The following FKBP6 variants were observed in gnomAD, a reference collection of about 807,000 sequenced individuals.
FKBP6 encodes the protein FKBP prolyl isomerase family member 6 (inactive).
A neutral mutation model predicts 41.7 loss-of-function variants in FKBP6; 29 were observed. That is an observed-to-expected ratio of 0.70 (90% CI 0.52 to 0.95). The LOEUF is 0.95. FKBP6 is among the 40% of genes least tolerant of loss of function. The pLI is 0.00. For missense variants in FKBP6, 338 were observed against 408.7 expected, an observed-to-expected ratio of 0.83 and a Z score of 1.49; for synonymous variants, 130 against 165.1, an observed-to-expected ratio of 0.79 and a Z score of 1.63.
At chr7:73,351,750 C>A (rs370304393) in intron 8 of FKBP6, among the ~76,000 whole-genome samples, 6 of 152,144 alleles carry the variant, frequency 3.9e-5, no homozygotes, top group African/African-American at 1.4e-4. Context: ...ATTCTGTGTT[C>A]TTTGCGGATG....
chr7:73,342,054 C>T (rs573179187), intron 7 of FKBP6, among the ~76,000 whole-genome samples: 1 of 152,082 alleles, frequency 6.6e-6, no homozygotes, highest in South Asian at 2.1e-4. Flanking sequence ...CAGAAAGGCC[C>T]CTCGTAGGTC....
At chr7:73,340,889 CTCA>C in intron 6 of FKBP6, 57 bp downstream of exon 6, 3 of 1,078,812 alleles carry the variant, frequency 2.8e-6, no homozygotes, top group Non-Finnish European at 4.3e-6. Context: ...AGTAGCAGTG[CTCA>C]ACTCAGCTAC....
At chr7:73,328,755 G>C (rs1222262578) in intron 2 of FKBP6, 63 bp downstream of exon 2, 48 of 1,611,316 alleles carry the variant, frequency 3.0e-5, no homozygotes, top group African/African-American at 6.7e-5. Flanking sequence ...GAAGAGAGAG[G>C]CCTCATTTTC....
chr7:73,341,521 C>T (rs4999954), intron 7 of FKBP6, 139 bp downstream of exon 7: 104,525 of 708,082 alleles, frequency 0.15, 8,552 homozygotes, highest in East Asian at 0.29. Flanking sequence ...AGCTGGGTTT[C>T]TGAAGTGCTC....
chr7:73,341,531 C>A (rs1474544500), intron 7 of FKBP6, 149 bp downstream of exon 7: 2 of 676,422 alleles, frequency 3.0e-6, no homozygotes. Flanking sequence ...CTGAAGTGCT[C>A]GGCCGTGCGC....
chr7:73,332,847 C>G (rs1804890181), intron 5 of FKBP6, among the ~76,000 whole-genome samples: 1 of 152,216 alleles, frequency 6.6e-6, no homozygotes, highest in African/African-American at 2.4e-5. Flanking sequence ...CATTTCATGT[C>G]TCTGACAGTG....
chr7:73,337,545 C>T (rs1212985660), intron 5 of FKBP6, among the ~76,000 whole-genome samples: 2 of 151,988 alleles, frequency 1.3e-5, no homozygotes, highest in African/African-American at 4.8e-5. Context: ...AACTCCTGAC[C>T]TCAGGTGATC....
rs782555749 is a variant in FKBP6 at position 73,328,623 on chromosome 7, C to T, written c.106C>T (p.Arg36Trp). 3.6e-5 allele frequency: 58 copies of T among 1,610,056 alleles called. No individual in the cohort carries two copies. Among genetic ancestry groups the T allele is most frequent in the Non-Finnish European group, 4.6e-5 (54 of 1,178,688 alleles). ...SQRMLDISGD[R>W]GVLKDVIREG... Reference sequence around the variant, plus strand: ...GAGGATGCTGGACATCTCGGGGGACCGGGGCGTGCTGAAGGACGTCATCCG... The same window carrying T: ...GAGGATGCTGGACATCTCGGGGGACTGGGGCGTGCTGAAGGACGTCATCCG... The change falls in exon 2 of 9, where the codon CGG becomes TGG. Residue 36 changes from arginine (R) to tryptophan (W), a missense_variant. Transcript: ENST00000252037.
chr7:73,331,661 A>G lies in FKBP6; in HGVS notation c.473A>G (p.Gln158Arg), dbSNP rs1554547696. The change falls in exon 5 of 9, where the codon CAG (glutamine) becomes CGG (arginine). Residue 158 changes from glutamine (Q) to arginine (R), a missense_variant. Gln to Arg is a conservative substitution (Grantham distance 43). Around this residue, in one of 2 missense-constraint regions of FKBP6, gnomAD observed 239 missense variants for 250.1 expected, o/e 0.96. Transcript: ENST00000252037. The part of the protein sequence containing the change: ...SDKFCALSAE[Q>R]QDQFPLQKVL... ...ATTCCTGTCTCTGGTCCTCAGGAGC[A>G]GCAAGACCAATTTCCACTTCAGAAG... 3 of 1,613,870 alleles carry G rather than the reference A, an allele frequency of 1.9e-6. No homozygotes were observed. The highest frequency in any genetic ancestry group is 3.3e-5 in the Admixed American group (2 of 60,004).
intron 8 of FKBP6, among the ~76,000 whole-genome samples, chr7:73,345,046 C>T (rs999644456): frequency 6.6e-6 from 1 of 152,088 alleles, no homozygotes; most frequent in South Asian, 2.1e-4. Flanking sequence ...CATTTTCTAG[C>T]TTCTGGAGCC....
chr7:73,330,795 A>T (rs782634222), intron 4 of FKBP6, among the ~76,000 whole-genome samples: 1 of 152,174 alleles, frequency 6.6e-6, no homozygotes, highest in Non-Finnish European at 1.5e-5. Flanking sequence ...GTTTAAACTG[A>T]GACAGTCCCA....
At chr7:73,350,539 C>T (rs1360615168) in intron 8 of FKBP6, among the ~76,000 whole-genome samples, 1 of 152,132 alleles carries the variant, frequency 6.6e-6, no homozygotes, top group Admixed American at 6.5e-5. Flanking sequence ...AAATTCCCCC[C>T]TCCTTTGCTT....
chr7:73,329,699 A>C (rs1804773688), intron 3 of FKBP6: 1 of 583,852 alleles, frequency 1.7e-6, no homozygotes, highest in East Asian at 2.9e-5. Context: ...TTCATTTATT[A>C]AGTAAAACTC....
intron 8 of FKBP6, among the ~76,000 whole-genome samples, chr7:73,346,661 C>A (rs1286901092): frequency 6.6e-6 from 1 of 152,172 alleles, no homozygotes; most frequent in Non-Finnish European, 1.5e-5. Flanking sequence ...TTTAAAGTGG[C>A]AGGACCATCA....
At chr7:73,340,523 TC>T in intron 5 of FKBP6, 114 bp from the exon 6 acceptor site, 1 of 791,124 alleles carries the variant, frequency 1.3e-6, no homozygotes, top group Non-Finnish European at 2.2e-6. Context: ...TGATCTTGTG[TC>T]TTGCAACCTG....
intron 5 of FKBP6, among the ~76,000 whole-genome samples, chr7:73,337,610 G>A (rs541414454): frequency 4.7e-4 from 72 of 152,138 alleles, no homozygotes; most frequent in Non-Finnish European, 8.4e-4. Flanking sequence ...CATCGTGTCC[G>A]GCCTTCCAGT....
rs377226318 is a variant in FKBP6 at position 73,329,401 on chromosome 7, G to A, written c.217G>A (p.Asp73Asn). Reference protein sequence around the residue: ...GYLEHMDRPFDSNYFRKTPRL... With the variant: ...GYLEHMDRPFNSNYFRKTPRL... ...CCTGGAACACATGGACAGACCCTTC[G>A]ATTCTAATTACTTTAGGAAAACTCC... The change falls in exon 3 of 9, where the codon GAT (aspartate) becomes AAT (asparagine). Residue 73 changes from aspartate to asparagine, a missense_variant. This residue lies in a region of FKBP6 where 99 missense variants were observed against 158.6 expected (regional missense o/e 0.62). Coordinates refer to ENST00000252037, the MANE Select transcript of FKBP6 (RefSeq NM_003602.5). The A allele has an allele frequency of 1.8e-5, 29 of 1,609,960 alleles. No homozygotes were observed. Among genetic ancestry groups the A allele is most frequent in the African/African-American group, 4.0e-5 (3 of 74,920 alleles).
intron 5 of FKBP6, among the ~76,000 whole-genome samples, chr7:73,333,997 G>A (rs1313255810): frequency 6.6e-6 from 1 of 152,014 alleles, no homozygotes; most frequent in African/African-American, 2.4e-5. Flanking sequence ...GCTTGAACCC[G>A]GGAGGTGGAG....
At chr7:73,354,168 C>T (rs926064831) in intron 8 of FKBP6, among the ~76,000 whole-genome samples, 3 of 152,216 alleles carry the variant, frequency 2.0e-5, no homozygotes, top group Admixed American at 6.5e-5. Context: ...TACCTGCAGG[C>T]GCTCTCATTC....
Sources: allele counts gnomAD v4.1 joint callset (sites outside exome capture counted in the v4.1 genomes callset), GRCh38; gene constraint gnomAD v4.1.1; regional missense constraint gnomAD v4.1.1; transcripts MANE v1.5; gene names NCBI Gene and HGNC (gene_info 2026-07-23, HGNC 2026-07-21).